Variants in DNAH14 observed in about 807,000 individuals in gnomAD.
DNAH14 encodes the protein dynein axonemal heavy chain 14, also known as axonemal beta dynein heavy chain 14.
In DNAH14, 478 loss-of-function variants were observed where a neutral mutation model predicts 520.9. The ratio of observed to expected loss-of-function variants is 0.92; its 90% CI spans 0.85 to 0.99. The LOEUF is 0.99. DNAH14 is among the 50% of genes least tolerant of loss of function. The pLI, the probability that DNAH14 is intolerant of heterozygous loss-of-function variation, is 0.00. For synonymous variants in DNAH14, 1,581 were observed against 1,757.2 expected, an observed-to-expected ratio of 0.90 and a Z score of 2.51; for missense variants, 4,831 against 5,234.5, an observed-to-expected ratio of 0.92 and a Z score of 2.38.
At chr1:225,154,028 G>A (rs2080783763) in intron 34 of DNAH14, among the ~76,000 whole-genome samples, 1 of 151,680 alleles carries the variant, frequency 6.6e-6, no homozygotes, top group African/African-American at 2.4e-5. Context: ...CCAATAGAGA[G>A]CCTATTCTTT....
intron 41 of DNAH14, among the ~76,000 whole-genome samples, chr1:225,228,538 T>C (rs2090775231): frequency 6.6e-6 from 1 of 152,130 alleles, no homozygotes; most frequent in Admixed American, 6.5e-5. Flanking sequence ...GCCGTAGATC[T>C]ACATGCCCAA....
chr1:225,029,344 T>G (rs1424835821), intron 11 of DNAH14, among the ~76,000 whole-genome samples: 1 of 152,058 alleles, frequency 6.6e-6, no homozygotes, highest in Non-Finnish European at 1.5e-5. Flanking sequence ...TTAGTCATTG[T>G]GATTGTAGTG....
intron 34 of DNAH14, among the ~76,000 whole-genome samples, chr1:225,157,650 A>AT (rs1167440962): frequency 7.2e-5 from 11 of 151,978 alleles, no homozygotes; most frequent in Non-Finnish European, 1.5e-4. Context: ...GTCATCCCTG[A>AT]TTTTTTTCAT....
At position 225,122,788 on chromosome 1, in the gene DNAH14, AC is replaced by A. The variant is rs539597158; in HGVS notation, c.4167-738del. On this transcript the variant is annotated intron_variant, in intron 26 of 85. Transcript: ENST00000682510. ...TCTCCTCATCAGCAATGATAAAAAA[AC>A]AAAAATAGATACCATTTGCAAGCAC... Among the ~76,000 whole-genome samples the A allele has an allele frequency of 8.5e-4, 129 of 152,308 alleles. 1 individual carries two copies. Among genetic ancestry groups the A allele is most frequent in the East Asian group, 1.3e-3 (7 of 5,186 alleles).
At chr1:225,369,784 C>T (rs904894081) in intron 77 of DNAH14, among the ~76,000 whole-genome samples, 2 of 152,050 alleles carry the variant, frequency 1.3e-5, no homozygotes, top group African/African-American at 4.8e-5. Context: ...TTATGGGCCA[C>T]GTTATCTGAA....
chr1:225,284,095 A>G (rs1172893733), intron 54 of DNAH14, among the ~76,000 whole-genome samples: 1 of 152,152 alleles, frequency 6.6e-6, no homozygotes, highest in Non-Finnish European at 1.5e-5. Flanking sequence ...ACCTTAGGAA[A>G]ATACCAAAAG....
intron 23 of DNAH14, among the ~76,000 whole-genome samples, chr1:225,105,604 CTCT>C (rs548003319): frequency 1.8e-4 from 28 of 152,252 alleles, no homozygotes; most frequent in Non-Finnish European, 2.5e-4. Context: ...GGATAGTTAG[CTCT>C]TCTTGTTGAA....
chr1:225,332,386 T>C (rs1159667621), intron 65 of DNAH14, among the ~76,000 whole-genome samples: 2 of 152,128 alleles, frequency 1.3e-5, no homozygotes, highest in African/African-American at 4.8e-5. Context: ...ATATCCCAGA[T>C]GGTGAGCACC....
intron 1 of DNAH14, among the ~76,000 whole-genome samples, chr1:224,943,801 G>A (rs12751739): frequency 0.16 from 24,704 of 152,032 alleles, 2,569 homozygotes; most frequent in Non-Finnish European, 0.23. Flanking sequence ...GTGGTTGAGC[G>A]GTTTTGAGTG....
intron 48 of DNAH14, 122 bp downstream of exon 48, chr1:225,265,491 G>A: frequency 1.3e-6 from 1 of 779,058 alleles, no homozygotes; most frequent in Non-Finnish European, 1.9e-6. Context: ...CATCATAGAA[G>A]ATGCAATGTA....
intron 8 of DNAH14, among the ~76,000 whole-genome samples, chr1:224,991,294 A>T (rs1439965024): frequency 3.4e-5 from 5 of 146,006 alleles, no homozygotes; most frequent in African/African-American, 1.3e-4. Context: ...TTTAGTAGAG[A>T]TGGGCTTTCA....
Position 225,340,718 on chromosome 1 carries a change from A to C in DNAH14, c.10678+17A>C. 3.2e-6 allele frequency: 5 copies of C among 1,546,602 alleles called. No individual in the cohort carries two copies. The highest frequency in any genetic ancestry group is 4.4e-6 in the Non-Finnish European group (5 of 1,144,406). ...AAGCACTAGGTAAGTCAAGATATTT[A>C]GTGATAGTAAGAGATCTTTGCAAAG... On this transcript the variant is annotated intron_variant, in intron 69 of 85. Coordinates refer to ENST00000682510, the MANE Select transcript of DNAH14 (RefSeq NM_001367479.1).
chr1:225,339,318 T>A (rs2095131292), intron 68 of DNAH14, among the ~76,000 whole-genome samples: 2 of 151,460 alleles, frequency 1.3e-5, no homozygotes, highest in African/African-American at 4.8e-5. Context: ...TCTGAAAAAA[T>A]AATAATAATA....
intron 8 of DNAH14, among the ~76,000 whole-genome samples, chr1:224,982,020 T>A (rs2062307697): frequency 6.6e-6 from 1 of 152,188 alleles, no homozygotes; most frequent in South Asian, 2.1e-4. Context: ...CAATAGAGGC[T>A]TCCCCAGTTA....
At chr1:225,261,378 G>A (rs1481805414) in intron 46 of DNAH14, among the ~76,000 whole-genome samples, 2 of 152,120 alleles carry the variant, frequency 1.3e-5, no homozygotes, top group African/African-American at 4.8e-5. Flanking sequence ...TGCTTCGTCT[G>A]TATTTATTAA....
At chr1:225,326,182 T>G (rs992380329) in intron 64 of DNAH14, among the ~76,000 whole-genome samples, 10 of 152,226 alleles carry the variant, frequency 6.6e-5, no homozygotes, top group Non-Finnish European at 1.0e-4. Flanking sequence ...TAGATGTTTA[T>G]AAATGAGAAA....
At chr1:225,360,596 C>A in intron 74 of DNAH14, 85 bp from the exon 75 acceptor site, 1 of 1,230,980 alleles carries the variant, frequency 8.1e-7, no homozygotes, top group Non-Finnish European at 1.1e-6. Flanking sequence ...TTTCCCAACA[C>A]TACTCAATAA....
chr1:225,322,742 G>A lies in DNAH14; in HGVS notation c.9414G>A (p.Trp3138Ter). 6.4e-7 allele frequency: 1 copy of A among 1,551,430 alleles called. No homozygotes were observed. Among genetic ancestry groups the A allele is most frequent in the South Asian group, 1.2e-5 (1 of 84,022 alleles). Residue 3138 changes from tryptophan to a stop codon, truncating the protein, a stop_gained, in exon 62 of 86, where the codon TGG (tryptophan) becomes TGA (stop). Transcript: ENST00000682510. LOFTEE classifies it high-confidence loss of function. The stretch of plus-strand genomic sequence containing the variant: ...TTCTTCTGCAAAAGAAACCTAACTG[G>A]GCAACGGCAAAGTTACTTCTTTCAG... The part of the protein sequence containing the change: ...VCILLQKKPN[W>*]ATAKLLLSET...
In DNAH14 at chr1:225,337,388, G is replaced by A; in HGVS notation, c.10203G>A (p.Trp3401Ter). ...LIDPHRQAHK[W>*]IRQMEGSRLQ... is the part of the protein sequence containing the mutation. The stretch of plus-strand genomic sequence containing the variant: ...ACCCACATAGGCAAGCTCACAAATG[G>A]ATCCGTCAGATGGAAGGATCCAGGC... Residue 3401 changes from tryptophan to a stop codon, truncating the protein, a stop_gained, in exon 67 of 86, where the codon TGG (tryptophan) becomes TGA (stop). Coordinates refer to ENST00000682510, the MANE Select transcript of DNAH14 (RefSeq NM_001367479.1). LOFTEE classifies it high-confidence loss of function. The A allele has an allele frequency of 1.3e-6, 2 of 1,551,596 alleles. No homozygotes were observed. The highest frequency in any genetic ancestry group is 8.7e-7 in the Non-Finnish European group (1 of 1,146,964).
Sources: allele counts gnomAD v4.1 joint callset (sites outside exome capture counted in the v4.1 genomes callset), GRCh38; gene constraint gnomAD v4.1.1; transcripts MANE v1.5; gene names NCBI Gene and HGNC (gene_info 2026-07-23, HGNC 2026-07-21).